The following KLRG1 variants were observed in gnomAD, a reference collection of about 807,000 sequenced individuals.
The protein encoded by KLRG1 is killer cell lectin-like receptor subfamily G member 1.
Under a neutral mutation model 21.8 loss-of-function variants are expected in KLRG1, and 16 were observed. The observed-to-expected ratio is 0.73, with a 90% CI of 0.50 to 1.11. The LOEUF (loss-of-function observed/expected upper bound fraction) is 1.11, where lower values mean the gene tolerates loss of function less well. Ranked by LOEUF, KLRG1 falls within the 50% of genes most tolerant of loss-of-function variation. The probability of loss-of-function intolerance (pLI) is 0.00; values close to 1 mark genes in which losing one functional copy is unlikely to be tolerated. For synonymous variants in KLRG1, 69 were observed against 75.9 expected, an observed-to-expected ratio of 0.91 and a Z score of 0.47; for missense variants, 173 against 218.3, an observed-to-expected ratio of 0.79 and a Z score of 1.31.
At chr12:9,088,190 T>C in the KLRG1 span, among the ~76,000 whole-genome samples, 2 of 151,632 alleles carry the variant, frequency 1.3e-5, no homozygotes. Context: ...TTTCTAAAGA[T>C]AAATGGATGG....
chr12:8,987,861 G>C (rs1253611957), upstream of KLRG1, among the ~76,000 whole-genome samples: 1 of 152,154 alleles, frequency 6.6e-6, no homozygotes, highest in Non-Finnish European at 1.5e-5. Context: ...ATATTCCATT[G>C]TATGTGTAGA....
the KLRG1 span, among the ~76,000 whole-genome samples, chr12:9,081,728 G>A: frequency 6.6e-6 from 1 of 152,182 alleles, no homozygotes; most frequent in Non-Finnish European, 1.5e-5. Flanking sequence ...AGAACCAGGG[G>A]TAGACATCAA....
chr12:9,051,558 AGCCACT>A, the KLRG1 span, among the ~76,000 whole-genome samples: 4 of 152,228 alleles, frequency 2.6e-5, no homozygotes, highest in African/African-American at 9.6e-5. Context: ...ACAGAGAGCT[AGCCACT>A]GCAGGTCTCC....
the KLRG1 span, among the ~76,000 whole-genome samples, chr12:9,184,094 G>A: frequency 6.6e-6 from 1 of 152,294 alleles, no homozygotes; most frequent in Admixed American, 6.5e-5. Flanking sequence ...AAAGAATAGT[G>A]GTAGGAAATT....
At chr12:9,137,141 A>G in the KLRG1 span, among the ~76,000 whole-genome samples, 1 of 152,040 alleles carries the variant, frequency 6.6e-6, no homozygotes, top group African/African-American at 2.4e-5. Context: ...ATTTTTTCTT[A>G]TATCAGTTTT....
chr12:8,992,112 A>G, intron 1 of KLRG1, 94 bp from the exon 2 acceptor site: 1 of 1,018,300 alleles, frequency 9.8e-7, no homozygotes, highest in Non-Finnish European at 1.5e-6. Context: ...CCACTAGGCC[A>G]AATTGCTTTA....
intron 1 of KLRG1, among the ~76,000 whole-genome samples, chr12:8,978,584 C>T (rs1000344739): frequency 6.6e-6 from 1 of 152,130 alleles, no homozygotes; most frequent in Non-Finnish European, 1.5e-5. Flanking sequence ...GAGGTTTAGG[C>T]TGAGAAACCT....
chr12:9,138,100 C>G, the KLRG1 span, among the ~76,000 whole-genome samples: 9 of 152,080 alleles, frequency 5.9e-5, no homozygotes, highest in Non-Finnish European at 1.3e-4. Context: ...TGCTCCTGTT[C>G]TTAAAGGAAA....
At chr12:8,965,448 T>G (rs1946453565) in intron 1 of KLRG1, among the ~76,000 whole-genome samples, 3 of 152,192 alleles carry the variant, frequency 2.0e-5, no homozygotes, top group Admixed American at 2.0e-4. Context: ...CCATTGTCTC[T>G]GCCCAAAATC....
rs1565546485 is a variant in KLRG1, at chr12:8,992,711, T to TTA, written c.187+402_187+403insAT. On this transcript the variant is annotated intron_variant, in intron 2 of 4. Coordinates refer to ENST00000356986, the MANE Select transcript of KLRG1 (RefSeq NM_005810.4). ...TAATTTTTGTATTATTATTATTATT[T>TTA]TTTTTTTTTTGTAAAGACATTTCAC... Among the ~76,000 whole-genome samples the TTA allele has an allele frequency of 1.9e-4, 29 of 151,048 alleles. 1 individual carries two copies. Among genetic ancestry groups the TTA allele is most frequent in the African/African-American group, 3.4e-4 (14 of 41,228 alleles).
the KLRG1 span, among the ~76,000 whole-genome samples, chr12:9,024,017 G>GTT: frequency 9.4e-6 from 1 of 106,290 alleles, no homozygotes; most frequent in Non-Finnish European, 1.8e-5. Flanking sequence ...TGAACACATG[G>GTT]ATTTTTTTTT....
chr12:9,071,435 T>A, the KLRG1 span, among the ~76,000 whole-genome samples: 769 of 152,074 alleles, frequency 5.1e-3, 4 homozygotes, highest in Non-Finnish European at 7.0e-3. Flanking sequence ...GAAAAAAATA[T>A]ATATATATAT....
At chr12:9,102,648 C>T in the KLRG1 span, among the ~76,000 whole-genome samples, 1 of 152,186 alleles carries the variant, frequency 6.6e-6, no homozygotes, top group East Asian at 1.9e-4. Flanking sequence ...CTACCTTCAT[C>T]CCCAGCTCCC....
the KLRG1 span, among the ~76,000 whole-genome samples, chr12:9,210,285 T>C: frequency 6.6e-6 from 1 of 152,210 alleles, no homozygotes; most frequent in East Asian, 1.9e-4. Flanking sequence ...TTAATTTTCA[T>C]TATTAATGAC....
At chr12:9,025,638 A>G in the KLRG1 span, among the ~76,000 whole-genome samples, 1 of 152,312 alleles carries the variant, frequency 6.6e-6, no homozygotes, top group East Asian at 1.9e-4. Flanking sequence ...CTTCATCTCA[A>G]AAAAAACCCA....
At chr12:8,953,399 A>G (rs1946238187) in intron 1 of KLRG1, among the ~76,000 whole-genome samples, 1 of 152,254 alleles carries the variant, frequency 6.6e-6, no homozygotes, top group South Asian at 2.1e-4. Flanking sequence ...GGTGGGCACG[A>G]CAGTGTAGAA....
At chr12:9,186,870 G>A in the KLRG1 span, among the ~76,000 whole-genome samples, 11 of 151,296 alleles carry the variant, frequency 7.3e-5, no homozygotes, top group Admixed American at 7.2e-4. Flanking sequence ...GGCTGGGGGA[G>A]GGATAGCATT....
At chr12:9,149,082 G>C in the KLRG1 span, 9 of 1,240,480 alleles carry the variant, frequency 7.3e-6, no homozygotes, top group Non-Finnish European at 1.1e-5. Flanking sequence ...GCTTATGCAG[G>C]GTCAGGAAAC....
intron 1 of KLRG1, among the ~76,000 whole-genome samples, chr12:8,984,502 C>G (rs1297587244): frequency 6.6e-6 from 1 of 152,162 alleles, no homozygotes; most frequent in Non-Finnish European, 1.5e-5. Flanking sequence ...TATCCACCTG[C>G]CCCCGCCTCC....
Sources: allele counts gnomAD v4.1 joint callset (sites outside exome capture counted in the v4.1 genomes callset), GRCh38; gene constraint gnomAD v4.1.1; transcripts MANE v1.5; gene names NCBI Gene and HGNC (gene_info 2026-07-23, HGNC 2026-07-21).